BICDL1: variants seen among roughly 807,000 people sequenced by gnomAD.
BICDL1 encodes the protein BICD family like cargo adaptor 1, also known as BICD family-like cargo adapter 1.
In BICDL1, 20 loss-of-function variants were observed where a neutral mutation model predicts 76.8. The ratio of observed to expected loss-of-function variants is 0.26; its 90% CI spans 0.18 to 0.38. The LOEUF (loss-of-function observed/expected upper bound fraction) is 0.38, where lower values mean the gene tolerates loss of function less well. BICDL1 is among the 10% of genes least tolerant of loss of function. The pLI is 1.00. For missense variants in BICDL1, 700 were observed against 798.6 expected (o/e 0.88, Z 1.49); for synonymous variants, 383 against 337.1 (o/e 1.14, Z -1.49).
rs1183243180 is a variant in BICDL1 at position 119,989,578 on chromosome 12, C to G, written c.-291C>G. Among the ~76,000 whole-genome samples, 1 of 150,456 alleles carries G rather than the reference C, an allele frequency of 6.6e-6. No homozygotes were observed. The highest frequency in any genetic ancestry group is 1.5e-5 in the Non-Finnish European group (1 of 67,422). On this transcript the variant is annotated 5_prime_UTR_variant, in exon 1 of 10. Coordinates refer to ENST00000548673, the MANE Select transcript of BICDL1 (RefSeq NM_001367886.1). ...CCCTCAGTCTCTGTTCCTGAGTCCT[C>G]CCTTCCCCAGCCTTCCCGTTCCCAC... is the stretch of plus-strand genomic sequence containing the variant.
intron 4 of BICDL1, among the ~76,000 whole-genome samples, chr12:120,069,002 C>T (rs1872880408): frequency 6.6e-6 from 1 of 152,108 alleles, no homozygotes; most frequent in Non-Finnish European, 1.5e-5. Context: ...CCCTGCGCTG[C>T]TGTCTCCTCT....
At position 120,005,082 on chromosome 12, in the gene BICDL1, G is replaced by A. The variant is rs539153226; in HGVS notation, c.645+6346G>A. The stretch of plus-strand genomic sequence containing the variant: ...CAGGTGATCTGCCCACCTCGGCCTC[G>A]AAAAGTGCTGGGATTACAGGCATGA... On this transcript the variant is annotated intron_variant, in intron 2 of 9. Transcript: ENST00000548673. Among the ~76,000 whole-genome samples, 5 of 152,030 alleles carry A rather than the reference G, an allele frequency of 3.3e-5. No homozygotes were observed. The East Asian group carries it at 7.8e-4, about 24-fold the overall frequency.
chr12:120,092,548 G>GGCT, intron 9 of BICDL1: 1 of 985,494 alleles, frequency 1.0e-6, no homozygotes. Flanking sequence ...CCTGAGGCCA[G>GGCT]GCCATTGGGC....
rs768765932 is a variant in BICDL1, at chr12:120,093,139, T to A, written c.1844T>A (p.Phe615Tyr). ...EPSIAEGKRLFSFFRKI is the reference protein window; with the variant it reads ...EPSIAEGKRLYSFFRKI ...AGCATCGCTGAAGGCAAACGACTCT[T>A]CTCATTCTTCAGGAAAATTTAAGTT... is the stretch of plus-strand genomic sequence containing the variant. The change falls in exon 10 of 10, where the codon TTC (phenylalanine) becomes TAC (tyrosine). Residue 615 changes from phenylalanine to tyrosine, a missense_variant. Physicochemically the swap from Phe to Tyr is conservative, Grantham distance 22 (BLOSUM62 3). This residue lies in a region of BICDL1 where 455 missense variants were observed against 548.7 expected (regional missense o/e 0.83). Transcript: ENST00000548673. The A allele has an allele frequency of 6.2e-7, 1 of 1,609,742 alleles. No individual in the cohort carries two copies. The highest frequency in any genetic ancestry group is 2.2e-5 in the East Asian group (1 of 44,718).
At position 120,071,188 on chromosome 12, in the gene BICDL1, G is replaced by T. The variant is rs1873075649; in HGVS notation, c.910-434G>T. Among the ~76,000 whole-genome samples the T allele has an allele frequency of 6.6e-6, 1 of 151,578 alleles. No individual in the cohort carries two copies. The highest frequency in any genetic ancestry group is 2.4e-5 in the African/African-American group (1 of 41,250). On this transcript the variant is annotated intron_variant, in intron 4 of 9. Transcript: ENST00000548673. The surrounding 1 kb of genome is among the most constrained non-coding windows in gnomAD (Gnocchi z 4.8). ...GGTGGCGTCTCGCACTGTCACCCAG[G>T]TTGGAGTGCAATGGCGTGATCTTAG...
intron 3 of BICDL1, among the ~76,000 whole-genome samples, chr12:120,064,135 C>T (rs561734492): frequency 6.6e-6 from 1 of 152,292 alleles, no homozygotes; most frequent in East Asian, 1.9e-4. Context: ...GTGTCCTGCT[C>T]CATCCCAGGA....
At chr12:120,019,715 G>T (rs897223527) in intron 2 of BICDL1, among the ~76,000 whole-genome samples, 2 of 152,062 alleles carry the variant, frequency 1.3e-5, no homozygotes, top group African/African-American at 4.8e-5. Context: ...CTCCCAAGTA[G>T]CTGGGACTAC....
intron 9 of BICDL1, chr12:120,091,993 G>A (rs1297829165): frequency 1.3e-5 from 13 of 985,292 alleles, no homozygotes; most frequent in Non-Finnish European, 1.6e-5. Context: ...AGAAAAGCTT[G>A]GGGTCTTACC....
chr12:120,015,491 T>C (rs555280739), intron 2 of BICDL1, among the ~76,000 whole-genome samples: 1 of 152,332 alleles, frequency 6.6e-6, no homozygotes, highest in East Asian at 1.9e-4. Flanking sequence ...TGATCTCTCC[T>C]ACTTACCAAC....
rs928714537 is a variant in BICDL1 at position 120,029,310 on chromosome 12, T to A, written c.645+30574T>A. ...TTTTACCTAAAGGTTAGCACCATTT[T>A]TTCCCCCTCAATAGGACAAAGACCC... is the stretch of plus-strand genomic sequence containing the variant. On this transcript the variant is annotated intron_variant, in intron 2 of 9. Coordinates refer to ENST00000548673, the MANE Select transcript of BICDL1 (RefSeq NM_001367886.1). Among the ~76,000 whole-genome samples, 5 of 152,184 alleles carry A rather than the reference T, an allele frequency of 3.3e-5. 1 individual carries two copies. Among genetic ancestry groups the A allele is most frequent in the Admixed American group, 2.6e-4 (4 of 15,276 alleles).
At chr12:120,090,221 C>T (rs1337220947) in intron 9 of BICDL1, 150 bp downstream of exon 9, 1 of 875,516 alleles carries the variant, frequency 1.1e-6, no homozygotes, top group Non-Finnish European at 1.7e-6. Flanking sequence ...ATCCAGAGCT[C>T]ATGTCCCCTA....
chr12:120,080,080 A>G (rs1873849105), intron 7 of BICDL1, among the ~76,000 whole-genome samples: 2 of 152,134 alleles, frequency 1.3e-5, no homozygotes, highest in South Asian at 4.1e-4. Context: ...GGGATTAAGC[A>G]CCCTACACAG....
intron 2 of BICDL1, among the ~76,000 whole-genome samples, chr12:120,000,888 G>C (rs1430241855): frequency 6.6e-6 from 1 of 152,182 alleles, no homozygotes; most frequent in East Asian, 1.9e-4. Context: ...GCGTGTGAAG[G>C]TAAGGATTTG....
intron 1 of BICDL1, among the ~76,000 whole-genome samples, chr12:119,994,091 T>G (rs935144079): frequency 6.6e-6 from 1 of 152,266 alleles, no homozygotes; most frequent in Non-Finnish European, 1.5e-5. Flanking sequence ...TTGTTGTTAA[T>G]GTACAGTATC....
intron 2 of BICDL1, among the ~76,000 whole-genome samples, chr12:120,024,112 T>C (rs1437004032): frequency 6.6e-6 from 1 of 152,036 alleles, no homozygotes; most frequent in Non-Finnish European, 1.5e-5. Flanking sequence ...AAACCCTGTC[T>C]CTACTTAAAA....
intron 4 of BICDL1, among the ~76,000 whole-genome samples, chr12:120,070,155 T>C (rs979309755): frequency 2.0e-5 from 3 of 152,256 alleles, no homozygotes; most frequent in Non-Finnish European, 4.4e-5. Flanking sequence ...GTGGAATTGC[T>C]GGATCATAGA....
At chr12:120,085,422 G>A (rs1874325390) in intron 8 of BICDL1, among the ~76,000 whole-genome samples, 1 of 152,184 alleles carries the variant, frequency 6.6e-6, no homozygotes, top group Non-Finnish European at 1.5e-5. Context: ...GTAACAGTGT[G>A]ATAGAGGAGG....
chr12:119,990,021 G>A lies in BICDL1; in HGVS notation c.153G>A (p.Glu51=). The A allele has an allele frequency of 6.6e-7, 1 of 1,508,536 alleles. No individual in the cohort carries two copies. Among genetic ancestry groups the A allele is most frequent in the Admixed American group, 2.5e-5 (1 of 40,544 alleles). 93.4% of individuals were successfully genotyped at this position (1,508,536 alleles called of 1,614,324 possible). ...AALIFPGGSG[E]LELALEEELA... Reference sequence around the variant, plus strand: ...TCATCTTCCCCGGGGGCTCCGGGGAGCTAGAACTGGCGTTAGAGGAGGAGC... The same window carrying A: ...TCATCTTCCCCGGGGGCTCCGGGGAACTAGAACTGGCGTTAGAGGAGGAGC... The change falls in exon 1 of 10, where the codon GAG becomes GAA. Residue 51 remains glutamate, a synonymous_variant. Transcript: ENST00000548673.
At position 120,091,230 on chromosome 12, in the gene BICDL1, G is replaced by A. The variant is rs1452969350; in HGVS notation, c.1704+1159G>A. The A allele has an allele frequency of 3.5e-6, 4 of 1,158,218 alleles. No homozygotes were observed. The East Asian group carries it at 1.8e-4, about 53-fold the overall frequency. 71.7% of individuals were successfully genotyped at this position (1,158,218 alleles called of 1,614,324 possible). ...GTGTGTGGCCCAGTGCTAACGGCTGGTGCCGTCTTCTCATAGATGGCTGTT... is the reference window on the plus strand; with the variant it reads ...GTGTGTGGCCCAGTGCTAACGGCTGATGCCGTCTTCTCATAGATGGCTGTT... On this transcript the variant is annotated intron_variant, in intron 9 of 9. Transcript: ENST00000548673.
Sources: gnomAD v4.1 joint callset for allele counts (sites outside exome capture counted in the v4.1 genomes callset) on GRCh38, gnomAD v4.1.1 for gene constraint, gnomAD v4.1.1 regional missense constraint, Gnocchi (gnomAD v3.1) non-coding constraint, MANE v1.5 for transcripts, NCBI Gene and HGNC (gene_info 2026-07-23, HGNC 2026-07-21) for gene names.